NCEH1: variants seen among roughly 807,000 people sequenced by gnomAD.
NCEH1 encodes the protein 2-acetyl MAGE hydrolase.
NCEH1 carries 9 observed loss-of-function variants against 25.4 expected under a neutral mutation model. That is an observed-to-expected ratio of 0.35 (90% CI 0.21 to 0.62). The LOEUF (loss-of-function observed/expected upper bound fraction) is 0.62, where lower values mean the gene tolerates loss of function less well. Ranked by LOEUF, NCEH1 falls within the 20% of genes least tolerant of loss-of-function variation. The probability of loss-of-function intolerance (pLI) is 0.72; values close to 1 mark genes in which losing one functional copy is unlikely to be tolerated. For synonymous variants in NCEH1, 200 were observed against 199.8 expected (o/e 1.00, Z -0.01); for missense variants, 412 against 501.1 (o/e 0.82, Z 1.70).
At chr3:172,658,733 T>A (rs1717817648) in intron 1 of NCEH1, among the ~76,000 whole-genome samples, 1 of 151,926 alleles carries the variant, frequency 6.6e-6, no homozygotes, top group Non-Finnish European at 1.5e-5. Flanking sequence ...ACTCTAACCC[T>A]GTCACCCTAA....
At chr3:172,689,985 A>G (rs1221113565) in intron 1 of NCEH1, among the ~76,000 whole-genome samples, 4 of 149,514 alleles carry the variant, frequency 2.7e-5, no homozygotes, top group African/African-American at 9.8e-5. Flanking sequence ...CTCACTGCAA[A>G]CTCCGCCTCC....
rs552812315 is a variant in NCEH1, at chr3:172,643,329, TC to T, written c.437+2293del. On this transcript the variant is annotated intron_variant, in intron 3 of 4. Coordinates refer to ENST00000475381, the MANE Select transcript of NCEH1 (RefSeq NM_020792.6). ...CTCAAGTAATCCTTGTACCTCAGCC[TC>T]TCAAGTAAGGCACACCACCATACCT... 7.2e-5 allele frequency among the ~76,000 whole-genome samples: 11 copies of T among 152,264 alleles called. 1 individual carries two copies. In the South Asian group the frequency reaches 2.3e-3, roughly 32 times the overall value.
At chr3:172,656,554 CAGG>C (rs1717704470) in intron 1 of NCEH1, among the ~76,000 whole-genome samples, 2 of 152,092 alleles carry the variant, frequency 1.3e-5, no homozygotes, top group African/African-American at 4.8e-5. Context: ...ATCATGAGGT[CAGG>C]AGATCAAGAT....
intron 1 of NCEH1, among the ~76,000 whole-genome samples, chr3:172,664,443 G>GC (rs1718111950): frequency 2.0e-5 from 3 of 152,100 alleles, no homozygotes; most frequent in African/African-American, 7.2e-5. Flanking sequence ...GTGTCTTGGG[G>GC]TTGCTCTTCA....
intron 1 of NCEH1, among the ~76,000 whole-genome samples, chr3:172,685,663 T>TC (rs1315314242): frequency 3.9e-5 from 6 of 152,204 alleles, no homozygotes; most frequent in East Asian, 3.8e-4. Context: ...ACTTTTTTTT[T>TC]CTCTTCCCCT....
At chr3:172,646,314 C>T (rs1364843793) in intron 2 of NCEH1, among the ~76,000 whole-genome samples, 1 of 152,132 alleles carries the variant, frequency 6.6e-6, no homozygotes, top group Admixed American at 6.5e-5. Flanking sequence ...GTGATAGAGC[C>T]ACTGTACTCT....
chr3:172,710,608 T>C (rs1427040459), intron 1 of NCEH1, among the ~76,000 whole-genome samples: 1 of 152,222 alleles, frequency 6.6e-6, no homozygotes, highest in Non-Finnish European at 1.5e-5. Context: ...TGTCAAATTC[T>C]ATTCAAGCAC....
At chr3:172,695,682 G>A (rs781734431) in intron 1 of NCEH1, among the ~76,000 whole-genome samples, 14 of 152,164 alleles carry the variant, frequency 9.2e-5, no homozygotes, top group South Asian at 2.1e-4. Context: ...GGTGGCTCAC[G>A]TCTGTAGTCC....
intron 1 of NCEH1, among the ~76,000 whole-genome samples, chr3:172,692,678 G>T (rs891893351): frequency 6.6e-6 from 1 of 152,048 alleles, no homozygotes; most frequent in African/African-American, 2.4e-5. Flanking sequence ...AATATTTTTA[G>T]TAAGTAGTTT....
chr3:172,675,627 C>T (rs1577076474), intron 1 of NCEH1, among the ~76,000 whole-genome samples: 1 of 152,152 alleles, frequency 6.6e-6, no homozygotes, highest in Admixed American at 6.5e-5. Flanking sequence ...TTACTTTAGA[C>T]ATCCAATAAC....
chr3:172,692,420 G>C (rs1214487580), intron 1 of NCEH1, among the ~76,000 whole-genome samples: 1 of 152,168 alleles, frequency 6.6e-6, no homozygotes, highest in Non-Finnish European at 1.5e-5. Flanking sequence ...GCTGTGGCAG[G>C]ATCACAGGCT....
intron 1 of NCEH1, among the ~76,000 whole-genome samples, chr3:172,658,839 A>AT (rs1560189003): frequency 1.6e-5 from 2 of 127,000 alleles, no homozygotes; most frequent in African/African-American, 3.0e-5. Context: ...CAATTCCAAA[A>AT]CTTTTTTTTT....
At position 172,630,889 on chromosome 3, in the gene NCEH1, C is replaced by T. The variant is rs1716313835; in HGVS notation, c.*2586G>A. ...TTAAATTCTTCACAAATCAATAAAA[C>T]ATTAATTTATACTTCACTATACAGC... On this transcript the variant is annotated 3_prime_UTR_variant, in exon 5 of 5. Coordinates refer to ENST00000475381, the MANE Select transcript of NCEH1 (RefSeq NM_020792.6). 6.6e-6 allele frequency: 1 copy of T among 151,608 alleles called. No homozygotes were observed. Among genetic ancestry groups the T allele is most frequent in the South Asian group, 2.1e-4 (1 of 4,776 alleles). The allele number at this position is 151,608 out of a possible 1,614,324, so 9.4% of individuals were successfully genotyped here. A position where few individuals can be genotyped will look rare whatever the true frequency, so the allele number is the denominator to read the frequency against.
intron 1 of NCEH1, among the ~76,000 whole-genome samples, chr3:172,697,611 A>G (rs1187706596): frequency 7.9e-5 from 12 of 152,102 alleles, no homozygotes; most frequent in Admixed American, 7.9e-4. Context: ...CTTTTTCCCA[A>G]TGTGATGCAT....
chr3:172,674,515 T>G (rs114132212), intron 1 of NCEH1, among the ~76,000 whole-genome samples: 3,409 of 151,874 alleles, frequency 0.022, 134 homozygotes, highest in African/African-American at 0.078. Context: ...CAACAGATAC[T>G]TTTTTTCATT....
chr3:172,704,796 C>G (rs1713886439), intron 1 of NCEH1, among the ~76,000 whole-genome samples: 1 of 152,238 alleles, frequency 6.6e-6, no homozygotes, highest in Non-Finnish European at 1.5e-5. Flanking sequence ...CTCTTCTAAA[C>G]TATACATAGA....
intron 1 of NCEH1, among the ~76,000 whole-genome samples, chr3:172,649,204 T>A (rs562469797): frequency 6.6e-6 from 1 of 152,260 alleles, no homozygotes; most frequent in East Asian, 1.9e-4. Flanking sequence ...ATAAACATTA[T>A]AACTGTGTGT....
intron 3 of NCEH1, among the ~76,000 whole-genome samples, chr3:172,642,673 C>T (rs762327204): frequency 1.1e-4 from 15 of 139,414 alleles, no homozygotes; most frequent in Non-Finnish European, 1.7e-4. Flanking sequence ...GATAAATAAA[C>T]GTGTAAGTTG....
chr3:172,631,813 C>T lies in NCEH1; in HGVS notation c.*1662G>A, dbSNP rs535270842. The T allele has an allele frequency of 7.9e-5, 12 of 152,620 alleles. No homozygotes were observed. Among genetic ancestry groups the T allele is most frequent in the African/African-American group, 2.4e-4 (10 of 41,510 alleles). The allele number at this position is 152,620 out of a possible 1,614,324, so 9.5% of individuals were successfully genotyped here. On this transcript the variant is annotated 3_prime_UTR_variant, in exon 5 of 5. Transcript: ENST00000475381. The stretch of plus-strand genomic sequence containing the variant: ...GAGTGAAATGGTTCTACTTTCTCTC[C>T]GTGGTGCCCTGTATCATTACTCAGC...
Sources: gnomAD v4.1 joint callset for allele counts (sites outside exome capture counted in the v4.1 genomes callset) on GRCh38, gnomAD v4.1.1 for gene constraint, MANE v1.5 for transcripts, NCBI Gene and HGNC (gene_info 2026-07-23, HGNC 2026-07-21) for gene names.